The following SNX9 variants were observed in gnomAD, a reference collection of about 807,000 sequenced individuals.
SNX9 encodes sorting nexin-9.
SNX9 carries 44 observed loss-of-function variants against 89.4 expected under a neutral mutation model. That is an observed-to-expected ratio of 0.49 (90% confidence interval 0.39 to 0.63). The LOEUF (loss-of-function observed/expected upper bound fraction) is 0.63. SNX9 is among the 30% of genes least tolerant of loss of function. The probability of loss-of-function intolerance (pLI) is 0.00; values close to 1 mark genes in which losing one functional copy is unlikely to be tolerated. For missense variants in SNX9, 578 were observed against 736.1 expected, an observed-to-expected ratio of 0.79 and a Z score of 2.49; for synonymous variants, 236 against 247.8, an observed-to-expected ratio of 0.95 and a Z score of 0.45.
chr6:157,850,062 A>C (rs904199695), intron 1 of SNX9, among the ~76,000 whole-genome samples: 3 of 152,008 alleles, frequency 2.0e-5, no homozygotes, highest in African/African-American at 7.3e-5. Context: ...GCAAGGAGAG[A>C]AGGTGGAAAG....
intron 1 of SNX9, among the ~76,000 whole-genome samples, chr6:157,850,467 G>C (rs936204412): frequency 1.6e-4 from 25 of 152,224 alleles, no homozygotes; most frequent in African/African-American, 6.0e-4. Flanking sequence ...GGGAAGGAGA[G>C]CGTGGCGAAG....
chr6:157,922,639 T>C (rs1052439436), intron 10 of SNX9, among the ~76,000 whole-genome samples: 1 of 152,216 alleles, frequency 6.6e-6, no homozygotes, highest in Non-Finnish European at 1.5e-5. Context: ...ATTTGGGCCT[T>C]ATTTTCAGTT....
Position 157,826,888 on chromosome 6 carries a change from T to TATATATTATAGTTTATATAATATATAAA in SNX9, c.12+3497_12+3524dup, listed in dbSNP as rs1562586038. On this transcript the variant is annotated intron_variant, in intron 1 of 17. Transcript: ENST00000392185. ...TATTATAGTTTATATAATATATAAA[T>TATATATTATAGTTTATATAATATATAAA]ATATATTATAGTTTATATAATATAT... Among the ~76,000 whole-genome samples the TATATATTATAGTTTATATAATATATAAA allele has an allele frequency of 1.9e-3, 140 of 75,042 alleles. 5 individuals carry two copies. Among genetic ancestry groups the TATATATTATAGTTTATATAATATATAAA allele is most frequent in the Middle Eastern group, 5.8e-3 (1 of 172 alleles). 49.2% of individuals were successfully genotyped at this position (75,042 alleles called of 152,430 possible). A position where few individuals can be genotyped will look rare whatever the true frequency, so the allele number is the denominator to read the frequency against.
At chr6:157,828,170 A>T (rs1011481331) in intron 1 of SNX9, among the ~76,000 whole-genome samples, 2 of 151,910 alleles carry the variant, frequency 1.3e-5, no homozygotes, top group African/African-American at 4.8e-5. Context: ...TAACCATTTA[A>T]CTTTGTATAA....
chr6:157,875,995 A>T (rs1026411525), intron 4 of SNX9, among the ~76,000 whole-genome samples: 12 of 150,866 alleles, frequency 8.0e-5, no homozygotes, highest in Non-Finnish European at 1.6e-4. Context: ...AAAAAAAGTT[A>T]AAAAAAAAGA....
chr6:157,926,503 C>T (rs1342240544), intron 10 of SNX9, among the ~76,000 whole-genome samples: 2 of 152,054 alleles, frequency 1.3e-5, no homozygotes, highest in African/African-American at 4.8e-5. Flanking sequence ...TAGGGTGGGC[C>T]GAGCACAGTG....
chr6:157,869,971 TACAC>T (rs559966288), intron 2 of SNX9, among the ~76,000 whole-genome samples: 25 of 151,888 alleles, frequency 1.6e-4, no homozygotes, highest in South Asian at 1.2e-3. Context: ...TGTGCACTCT[TACAC>T]ACACGTACCT....
chr6:157,913,850 G>A (rs577849809), intron 9 of SNX9, among the ~76,000 whole-genome samples: 1 of 152,276 alleles, frequency 6.6e-6, no homozygotes, highest in South Asian at 2.1e-4. Context: ...GTGGCCAATA[G>A]TATTCCAGTG....
At chr6:157,917,463 A>G (rs1375208118) in intron 9 of SNX9, among the ~76,000 whole-genome samples, 3 of 152,158 alleles carry the variant, frequency 2.0e-5, no homozygotes, top group African/African-American at 7.2e-5. Flanking sequence ...GCTGCATTCT[A>G]TAAAGTCTAC....
At chr6:157,941,588 G>A (rs1784036738) in intron 17 of SNX9, among the ~76,000 whole-genome samples, 1 of 152,182 alleles carries the variant, frequency 6.6e-6, no homozygotes, top group Non-Finnish European at 1.5e-5. Flanking sequence ...TGCAGGTAAG[G>A]TCTGTAATGT....
intron 4 of SNX9, among the ~76,000 whole-genome samples, chr6:157,880,802 T>C (rs1782607662): frequency 6.6e-6 from 1 of 152,194 alleles, no homozygotes; most frequent in Non-Finnish European, 1.5e-5. Flanking sequence ...GGAGCCAGAC[T>C]GTCTAGGTTT....
Position 157,909,918 on chromosome 6 carries a change from G to A in SNX9, c.842G>A (p.Arg281Gln), listed in dbSNP as rs144603280. 7.4e-6 allele frequency: 12 copies of A among 1,613,796 alleles called. No individual in the cohort carries two copies. Among genetic ancestry groups the A allele is most frequent in the South Asian group, 3.3e-5 (3 of 91,010 alleles). ...EYQLTPTNTN[R>Q]SVNHRYKHFD... is the part of the protein sequence containing the mutation. The stretch of plus-strand genomic sequence containing the variant: ...TCCCTTATTTTGTAGAACACTAATC[G>A]ATCTGTAAACCACAGGTATAAGCAC... Residue 281 changes from arginine (R) to glutamine (Q), a missense_variant, in exon 9 of 18, where the codon CGA becomes CAA. Coordinates refer to ENST00000392185, the MANE Select transcript of SNX9 (RefSeq NM_016224.5).
chr6:157,886,365 T>C (rs1488657763), intron 4 of SNX9, among the ~76,000 whole-genome samples: 2 of 152,322 alleles, frequency 1.3e-5, no homozygotes, highest in African/African-American at 4.8e-5. Context: ...ATTATTACTG[T>C]CTTTAAAAAC....
intron 1 of SNX9, among the ~76,000 whole-genome samples, chr6:157,849,671 C>T (rs1479692966): frequency 6.6e-6 from 1 of 152,006 alleles, no homozygotes; most frequent in African/African-American, 2.4e-5. Context: ...ATTTGCCAGG[C>T]CTTTCTTAGA....
chr6:157,872,458 G>A (rs1469463123), intron 2 of SNX9: 1 of 152,188 alleles, frequency 6.6e-6, no homozygotes, highest in East Asian at 1.9e-4. Flanking sequence ...AAGTCAGCTT[G>A]ATGGTTCTCC....
chr6:157,890,680 G>T (rs1032731915), intron 4 of SNX9, among the ~76,000 whole-genome samples: 1 of 152,146 alleles, frequency 6.6e-6, no homozygotes. Context: ...AGGGCCCCAC[G>T]TTCACGGGCA....
chr6:157,914,477 T>TTC (rs1554296682), intron 9 of SNX9, among the ~76,000 whole-genome samples: 4 of 126,976 alleles, frequency 3.2e-5, no homozygotes, highest in African/African-American at 9.3e-5. Flanking sequence ...TTCTTTTTTT[T>TTC]TTTTTTTTTT....
At chr6:157,848,989 G>A (rs1212268479) in intron 1 of SNX9, among the ~76,000 whole-genome samples, 2 of 152,202 alleles carry the variant, frequency 1.3e-5, no homozygotes, top group Non-Finnish European at 2.9e-5. Flanking sequence ...GCTCATGCCT[G>A]TAATCCCAGT....
Position 157,827,505 on chromosome 6 carries a change from A to T in SNX9, c.12+4059A>T, listed in dbSNP as rs1413619974. Among the ~76,000 whole-genome samples the T allele has an allele frequency of 9.7e-4, 17 of 17,584 alleles. 6 individuals carry two copies. The highest frequency in any genetic ancestry group is 1.6e-3 in the African/African-American group (2 of 1,260). 11.5% of individuals were successfully genotyped at this position (17,584 alleles called of 152,430 possible). ...AATATATAAACTTATAGTTTATATA[A>T]TATATAAACATATAGTTTATATAAT... is the stretch of plus-strand genomic sequence containing the variant. On this transcript the variant is annotated intron_variant, in intron 1 of 17. Coordinates refer to ENST00000392185, the MANE Select transcript of SNX9 (RefSeq NM_016224.5).
Sources: allele counts gnomAD v4.1 joint callset (sites outside exome capture counted in the v4.1 genomes callset), GRCh38; gene constraint gnomAD v4.1.1; transcripts MANE v1.5; gene names NCBI Gene and HGNC (gene_info 2026-07-23, HGNC 2026-07-21).